The following ARHGEF10 variants were observed in gnomAD, a reference collection of about 807,000 sequenced individuals.
ARHGEF10 encodes Rho guanine nucleotide exchange factor 10.
ARHGEF10 carries 140 observed loss-of-function variants against 147.4 expected under a neutral mutation model. The observed-to-expected ratio is 0.95, with a 90% CI of 0.83 to 1.09. ARHGEF10 has a LOEUF of 1.09. ARHGEF10 is among the 50% of genes least tolerant of loss of function. The pLI is 0.00. For missense variants in ARHGEF10, 2,222 were observed against 1,752.7 expected, an observed-to-expected ratio of 1.27 and a Z score of -4.78; for synonymous variants, 902 against 695.8, an observed-to-expected ratio of 1.30 and a Z score of -4.67.
rs1352605163 is a variant in ARHGEF10, at chr8:1,918,500, G to T, written c.2144-4464G>T. On this transcript the variant is annotated intron_variant, in intron 18 of 28. Coordinates refer to ENST00000349830, the MANE Select transcript of ARHGEF10 (RefSeq NM_014629.4). Reference sequence around the variant, plus strand: ...TGTGTGTGTGTGTGTGTGTGTGTGTGTGTGTTATTTTAAAAATGTTTATGT... The same window carrying T: ...TGTGTGTGTGTGTGTGTGTGTGTGTTTGTGTTATTTTAAAAATGTTTATGT... Among the ~76,000 whole-genome samples the T allele has an allele frequency of 2.1e-5, 3 of 142,198 alleles. No homozygotes were observed. In the East Asian group the frequency reaches 6.1e-4, roughly 29 times the overall value. The allele number at this position is 142,198 out of a possible 152,430, so 93.3% of individuals were successfully genotyped here. A position where few individuals can be genotyped will look rare whatever the true frequency, so the allele number is the denominator to read the frequency against.
Position 1,865,073 on chromosome 8 carries a change from A to G in ARHGEF10, c.545+637A>G, listed in dbSNP as rs142429125. The stretch of plus-strand genomic sequence containing the variant: ...AGGATGAAATTTTTCAAACATAGAA[A>G]TAGTTATGAATAGTTTAAAATAGTG... On this transcript the variant is annotated intron_variant, in intron 5 of 28. Coordinates refer to ENST00000349830, the MANE Select transcript of ARHGEF10 (RefSeq NM_014629.4). 8.6e-3 allele frequency among the ~76,000 whole-genome samples: 1,304 copies of G among 152,380 alleles called. 18 individuals are homozygous for G. Among genetic ancestry groups the G allele is most frequent in the African/African-American group, 0.029 (1,216 of 41,586 alleles).
intron 25 of ARHGEF10, among the ~76,000 whole-genome samples, chr8:1,930,341 C>G (rs564169938): frequency 6.6e-6 from 1 of 152,252 alleles, no homozygotes; most frequent in South Asian, 2.1e-4. Flanking sequence ...CATGTCCCAG[C>G]TCACTCCCCC....
chr8:1,874,214 G>T (rs974287296), intron 7 of ARHGEF10, among the ~76,000 whole-genome samples: 27 of 152,218 alleles, frequency 1.8e-4, no homozygotes, highest in African/African-American at 6.3e-4. Context: ...TTTGCTGGGG[G>T]TCACAACAGC....
At chr8:1,857,128 T>A (rs1001281076) in intron 2 of ARHGEF10, among the ~76,000 whole-genome samples, 1 of 152,224 alleles carries the variant, frequency 6.6e-6, no homozygotes, top group African/African-American at 2.4e-5. Flanking sequence ...TGCTCTTTAA[T>A]AATTATGGAG....
chr8:1,899,381 C>T (rs1393060170), intron 15 of ARHGEF10, among the ~76,000 whole-genome samples: 4 of 152,202 alleles, frequency 2.6e-5, no homozygotes, highest in Non-Finnish European at 5.9e-5. Context: ...CTAATTAAAT[C>T]AGAGGACTTT....
At chr8:1,946,181 A>G (rs1159581406) in intron 27 of ARHGEF10, among the ~76,000 whole-genome samples, 1 of 152,162 alleles carries the variant, frequency 6.6e-6, no homozygotes, top group Non-Finnish European at 1.5e-5. Flanking sequence ...AACAGGATGG[A>G]GGAAAGAAAT....
At chr8:1,878,383 C>T (rs566526244) in intron 8 of ARHGEF10, among the ~76,000 whole-genome samples, 2 of 152,226 alleles carry the variant, frequency 1.3e-5, no homozygotes, top group South Asian at 4.1e-4. Context: ...GACGGGGTTT[C>T]ACCATATTGG....
chr8:1,923,247 G>T, intron 19 of ARHGEF10, 168 bp downstream of exon 19: 1 of 867,750 alleles, frequency 1.2e-6, no homozygotes, highest in Non-Finnish European at 1.8e-6. Context: ...CTATTTAATG[G>T]TAACTTTTCT....
intron 1 of ARHGEF10, among the ~76,000 whole-genome samples, chr8:1,842,142 G>A (rs1804143845): frequency 6.6e-6 from 1 of 151,820 alleles, no homozygotes; most frequent in African/African-American, 2.4e-5. Flanking sequence ...GGTGGCACGT[G>A]GCAGGCACCT....
chr8:1,874,420 G>C (rs1461075730), intron 7 of ARHGEF10, among the ~76,000 whole-genome samples: 1 of 152,200 alleles, frequency 6.6e-6, no homozygotes, highest in African/African-American at 2.4e-5. Context: ...AGAAAATGCA[G>C]CTCCAGCTCT....
Position 1,861,096 on chromosome 8 carries a change from G to C in ARHGEF10, c.481+912G>C, listed in dbSNP as rs959424420. Among the ~76,000 whole-genome samples, 38 of 152,224 alleles carry C rather than the reference G, an allele frequency of 2.5e-4. 1 individual carries two copies. The highest frequency in any genetic ancestry group is 2.2e-3 in the Admixed American group (34 of 15,276). ...GAGGACTGTGGGTGCCCTCGTGGGT[G>C]CCTCGCTCACCTCCGGTCTCTGTGT... On this transcript the variant is annotated intron_variant, in intron 4 of 28. Coordinates refer to ENST00000349830, the MANE Select transcript of ARHGEF10 (RefSeq NM_014629.4).
At chr8:1,953,137 C>T (rs1448716724) in intron 28 of ARHGEF10, among the ~76,000 whole-genome samples, 2 of 152,098 alleles carry the variant, frequency 1.3e-5, no homozygotes, top group Non-Finnish European at 2.9e-5. Context: ...TCCGTTGTTC[C>T]TTTGTGTGTT....
chr8:1,897,512 G>A (rs1036282092), intron 14 of ARHGEF10, among the ~76,000 whole-genome samples: 4 of 148,436 alleles, frequency 2.7e-5, no homozygotes, highest in East Asian at 3.9e-4. Flanking sequence ...GACAGCTGTG[G>A]GCTCTGTCCT....
rs1277426008 is a variant in ARHGEF10 at position 1,882,739 on chromosome 8, C to T, written c.1065C>T (p.Leu355=). ...GCTCCTTCATCAGGACCAAGTCTCT[C>T]ATCGCACAGGGTCCGTGCCTGCAGG... ...RGRSFIRTKS[L]IAQDHRSSLE... is the part of the protein sequence containing the mutation. Residue 355 remains leucine (L), a synonymous_variant, in exon 10 of 29, where the codon CTC becomes CTT. Coordinates refer to ENST00000349830, the MANE Select transcript of ARHGEF10 (RefSeq NM_014629.4). The T allele has an allele frequency of 6.5e-7, 1 of 1,549,222 alleles. No homozygotes were observed.
chr8:1,910,235 G>C (rs922110608), intron 18 of ARHGEF10, among the ~76,000 whole-genome samples: 3 of 152,154 alleles, frequency 2.0e-5, no homozygotes, highest in African/African-American at 7.2e-5. Flanking sequence ...GAATTTTTCA[G>C]ATTATTTTGT....
intron 7 of ARHGEF10, chr8:1,869,833 G>C (rs1585329206): frequency 5.9e-6 from 1 of 169,376 alleles, no homozygotes; most frequent in East Asian, 1.6e-4. Flanking sequence ...GCTGGGGGCG[G>C]GTTCTCAAAG....
intron 11 of ARHGEF10, among the ~76,000 whole-genome samples, chr8:1,891,017 G>A (rs567504531): frequency 1.3e-5 from 2 of 152,250 alleles, no homozygotes; most frequent in African/African-American, 4.8e-5. Context: ...CTGAAGTTCA[G>A]TTTTCCTTTT....
At chr8:1,882,033 G>T (rs1319360134) in intron 9 of ARHGEF10, among the ~76,000 whole-genome samples, 1 of 152,314 alleles carries the variant, frequency 6.6e-6, no homozygotes, top group South Asian at 2.1e-4. Context: ...GTGGAGGCAG[G>T]GAGCCCCAGG....
At chr8:1,955,149 A>AT (rs11384329) in intron 28 of ARHGEF10, among the ~76,000 whole-genome samples, 83 of 55,960 alleles carry the variant, frequency 1.5e-3, no homozygotes, top group African/African-American at 3.2e-3. Flanking sequence ...GTTCCTCTGG[A>AT]GGATAGCCAG....
Sources: gnomAD v4.1 joint callset for allele counts (sites outside exome capture counted in the v4.1 genomes callset) on GRCh38, gnomAD v4.1.1 for gene constraint, MANE v1.5 for transcripts, NCBI Gene and HGNC (gene_info 2026-07-23, HGNC 2026-07-21) for gene names.